GTF2IRD1: variants seen among roughly 807,000 people sequenced by gnomAD.
GTF2IRD1 encodes GTF2I repeat domain containing 1.
Under a neutral mutation model 113.2 loss-of-function variants are expected in GTF2IRD1, and 26 were observed. The observed-to-expected ratio is 0.23, with a 90% CI of 0.17 to 0.32. GTF2IRD1 has a LOEUF of 0.32. Among genes scored for constraint, GTF2IRD1 ranks in the 10% least tolerant of loss-of-function variants. The pLI is 1.00. For missense variants in GTF2IRD1, 864 were observed against 1,280.8 expected (o/e 0.67, Z 4.97); for synonymous variants, 484 against 529.1 (o/e 0.91, Z 1.17).
intron 17 of GTF2IRD1, among the ~76,000 whole-genome samples, chr7:74,550,320 T>G (rs1799230668): frequency 1.3e-5 from 2 of 152,158 alleles, no homozygotes; most frequent in Admixed American, 6.5e-5. Context: ...GTAATTATAG[T>G]ACAGTAATTG....
At chr7:74,534,827 C>T (rs1798195213) in intron 9 of GTF2IRD1, among the ~76,000 whole-genome samples, 2 of 152,114 alleles carry the variant, frequency 1.3e-5, no homozygotes, top group African/African-American at 4.8e-5. Flanking sequence ...CGCTTGAACC[C>T]TGGAGGCGGA....
intron 1 of GTF2IRD1, among the ~76,000 whole-genome samples, chr7:74,462,379 T>C (rs1793428708): frequency 6.6e-6 from 1 of 152,214 alleles, no homozygotes; most frequent in Non-Finnish European, 1.5e-5. Context: ...CAGCAACCAC[T>C]GATCTGTCTT....
intron 15 of GTF2IRD1, among the ~76,000 whole-genome samples, chr7:74,545,399 G>C (rs1191717848): frequency 6.6e-6 from 1 of 152,050 alleles, no homozygotes; most frequent in Non-Finnish European, 1.5e-5. Context: ...GTGGCAGCCT[G>C]CTCAATTTGC....
intron 1 of GTF2IRD1, among the ~76,000 whole-genome samples, chr7:74,485,894 C>G (rs184667732): frequency 6.6e-6 from 1 of 151,906 alleles, no homozygotes; most frequent in African/African-American, 2.4e-5. Context: ...CCTCTGCACT[C>G]CAGCCTCGGT....
At chr7:74,526,917 C>T (rs1193031611) in intron 8 of GTF2IRD1, among the ~76,000 whole-genome samples, 2 of 152,126 alleles carry the variant, frequency 1.3e-5, no homozygotes. Flanking sequence ...CAACGCAGAC[C>T]TGGGCCGCTG....
intron 22 of GTF2IRD1, among the ~76,000 whole-genome samples, chr7:74,562,004 C>G (rs1471816559): frequency 6.6e-6 from 1 of 152,132 alleles, no homozygotes; most frequent in African/African-American, 2.4e-5. Flanking sequence ...GGCACCCAAG[C>G]CAGGTATCCA....
chr7:74,479,115 C>T lies in GTF2IRD1; in HGVS notation c.-7+24939C>T, dbSNP rs146343838. On this transcript the variant is annotated intron_variant, in intron 1 of 26. Transcript: ENST00000424337. ...CCTGGCTGTCTCTGGCCTGGGCTGTCGCAGAGACTTGGCAACTCCTGGCTC... is the reference window on the plus strand; with the variant it reads ...CCTGGCTGTCTCTGGCCTGGGCTGTTGCAGAGACTTGGCAACTCCTGGCTC... Among the ~76,000 whole-genome samples, 1,218 of 152,172 alleles carry T rather than the reference C, an allele frequency of 8.0e-3. 10 individuals are homozygous for T. Among genetic ancestry groups the T allele is most frequent in the Middle Eastern group, 0.024 (7 of 294 alleles).
At chr7:74,467,227 G>A (rs1793779706) in intron 1 of GTF2IRD1, among the ~76,000 whole-genome samples, 2 of 152,084 alleles carry the variant, frequency 1.3e-5, no homozygotes, top group South Asian at 2.1e-4. Flanking sequence ...GGGATTACAG[G>A]GGTGAGCCCC....
chr7:74,473,070 G>A (rs1330803346), intron 1 of GTF2IRD1, among the ~76,000 whole-genome samples: 1 of 152,216 alleles, frequency 6.6e-6, no homozygotes, highest in Non-Finnish European at 1.5e-5. Context: ...GGCCCCCCAG[G>A]GACAGACAGG....
At chr7:74,562,209 A>G (rs1170732683) in intron 22 of GTF2IRD1, among the ~76,000 whole-genome samples, 1 of 152,126 alleles carries the variant, frequency 6.6e-6, no homozygotes, top group Admixed American at 6.6e-5. Context: ...GGTGAATCGG[A>G]GTGGAAGCTG....
At chr7:74,570,463 G>A (rs187805177) in intron 22 of GTF2IRD1, among the ~76,000 whole-genome samples, 58 of 151,950 alleles carry the variant, frequency 3.8e-4, no homozygotes, top group African/African-American at 1.4e-3. Flanking sequence ...AGACCAGCCT[G>A]GGCAACATAG....
intron 22 of GTF2IRD1, among the ~76,000 whole-genome samples, chr7:74,568,346 AAAAAAAAAAG>A (rs1157261486): frequency 4.7e-5 from 7 of 149,674 alleles, no homozygotes; most frequent in Non-Finnish European, 7.4e-5. Context: ...TTAAAAAAAA[AAAAAAAAAAG>A]AAGGAGAAAG....
intron 1 of GTF2IRD1, among the ~76,000 whole-genome samples, chr7:74,475,446 C>T (rs1349914556): frequency 6.6e-6 from 1 of 152,168 alleles, no homozygotes; most frequent in African/African-American, 2.4e-5. Context: ...TGAGCCTCCA[C>T]TAGACCCAGA....
chr7:74,578,648 T>C (rs1390110837), intron 22 of GTF2IRD1, among the ~76,000 whole-genome samples: 1 of 152,186 alleles, frequency 6.6e-6, no homozygotes, highest in Non-Finnish European at 1.5e-5. Context: ...TTCCTCTCTC[T>C]CCCCTCCTTG....
At chr7:74,520,842 C>CTATTATTATTATTAT (rs200488760) in intron 6 of GTF2IRD1, among the ~76,000 whole-genome samples, 15 of 129,088 alleles carry the variant, frequency 1.2e-4, no homozygotes, top group South Asian at 7.9e-4. Context: ...GTTATATATA[C>CTATTATTATTATTAT]TATTATTATT....
At chr7:74,539,199 A>AT (rs781997618) in intron 13 of GTF2IRD1, among the ~76,000 whole-genome samples, 2 of 152,162 alleles carry the variant, frequency 1.3e-5, no homozygotes, top group Non-Finnish European at 2.9e-5. Flanking sequence ...TAATCCTGGC[A>AT]TTTTGGGTGG....
intron 22 of GTF2IRD1, among the ~76,000 whole-genome samples, chr7:74,586,477 G>A (rs150609640): frequency 6.6e-6 from 1 of 152,344 alleles, no homozygotes; most frequent in Non-Finnish European, 1.5e-5. Context: ...CTCTGGGCAC[G>A]CAGGGGGGCT....
intron 8 of GTF2IRD1, among the ~76,000 whole-genome samples, chr7:74,529,242 G>A (rs1315265772): frequency 2.0e-5 from 3 of 152,112 alleles, no homozygotes; most frequent in African/African-American, 7.2e-5. Context: ...TGAGATGGGA[G>A]CCACTGGACA....
At chr7:74,511,895 C>A (rs1373493940) in intron 2 of GTF2IRD1, among the ~76,000 whole-genome samples, 1 of 152,164 alleles carries the variant, frequency 6.6e-6, no homozygotes, top group African/African-American at 2.4e-5. Context: ...GGCCTCTGGG[C>A]TATGGGGCTG....
Sources: allele counts gnomAD v4.1 joint callset (sites outside exome capture counted in the v4.1 genomes callset), GRCh38; gene constraint gnomAD v4.1.1; transcripts MANE v1.5; gene names NCBI Gene and HGNC (gene_info 2026-07-23, HGNC 2026-07-21).